The following SH3RF2 variants were observed in gnomAD, a reference collection of about 807,000 sequenced individuals.
SH3RF2 encodes E3 ubiquitin-protein ligase SH3RF2.
SH3RF2 carries 43 observed loss-of-function variants against 59.0 expected under a neutral mutation model. The observed-to-expected ratio is 0.73, with a 90% CI of 0.57 to 0.94. The LOEUF is 0.94. Among genes scored for constraint, SH3RF2 ranks in the 40% least tolerant of loss-of-function variants. The pLI, the probability that SH3RF2 is intolerant of heterozygous loss-of-function variation, is 0.00. For missense variants in SH3RF2, 930 were observed against 940.1 expected (o/e 0.99, Z 0.14); for synonymous variants, 391 against 391.5 (o/e 1.00, Z 0.01).
chr5:146,055,910 T>C, intron 7 of SH3RF2, 71 bp from the exon 8 acceptor site: 1 of 1,529,464 alleles, frequency 6.5e-7, no homozygotes, highest in South Asian at 1.2e-5. Context: ...GATAGGTTTT[T>C]AAATAGGACT....
intron 5 of SH3RF2, among the ~76,000 whole-genome samples, chr5:146,027,191 C>T (rs1233199521): frequency 1.3e-5 from 2 of 152,078 alleles, no homozygotes; most frequent in Non-Finnish European, 2.9e-5. Context: ...GGGACAATTG[C>T]ACTTGCTTAG....
Position 146,013,646 on chromosome 5 carries a change from G to A in SH3RF2, c.745-101G>A, listed in dbSNP as rs901007143. Reference sequence around the variant, plus strand: ...ATGAGCATCTGAGCCAGTGACTGAGGAGGTGGCACCTGACCTGGCTTCAGA... The same window carrying A: ...ATGAGCATCTGAGCCAGTGACTGAGAAGGTGGCACCTGACCTGGCTTCAGA... On this transcript the variant is annotated intron_variant, in intron 4 of 9. Coordinates refer to ENST00000359120, the MANE Select transcript of SH3RF2 (RefSeq NM_152550.4). 2.8e-5 allele frequency: 35 copies of A among 1,236,322 alleles called. No homozygotes were observed. In the African/African-American group the frequency reaches 4.4e-4, roughly 16 times the overall value. The allele number at this position is 1,236,322 out of a possible 1,614,324, so 76.6% of individuals were successfully genotyped here. A position where few individuals can be genotyped will look rare whatever the true frequency, so the allele number is the denominator to read the frequency against.
intron 5 of SH3RF2, among the ~76,000 whole-genome samples, chr5:146,032,366 C>G (rs546982609): frequency 6.6e-6 from 1 of 152,280 alleles, no homozygotes; most frequent in East Asian, 1.9e-4. Context: ...CAGCATGCCA[C>G]TTCCCCTCAG....
At chr5:145,968,086 G>A (rs1324917747) in intron 2 of SH3RF2, among the ~76,000 whole-genome samples, 1 of 152,116 alleles carries the variant, frequency 6.6e-6, no homozygotes, top group East Asian at 1.9e-4. Context: ...TAGTTTCCTG[G>A]GAGAAGCTGT....
At chr5:145,976,026 C>G (rs1759281149) in intron 2 of SH3RF2, among the ~76,000 whole-genome samples, 1 of 152,186 alleles carries the variant, frequency 6.6e-6, no homozygotes, top group Non-Finnish European at 1.5e-5. Flanking sequence ...AATGACAGGT[C>G]ACATACACAC....
chr5:145,967,935 C>T (rs566484860), intron 2 of SH3RF2, among the ~76,000 whole-genome samples: 171 of 152,366 alleles, frequency 1.1e-3, no homozygotes, highest in African/African-American at 4.0e-3. Context: ...GCTGGGATTA[C>T]AGGCATGAGC....
chr5:146,076,594 TC>T (rs752504866), intron 9 of SH3RF2, among the ~76,000 whole-genome samples: 1 of 152,220 alleles, frequency 6.6e-6, no homozygotes, highest in Non-Finnish European at 1.5e-5. Flanking sequence ...TGCCTGCTTC[TC>T]CCGCTGAATG....
chr5:145,962,207 G>A (rs1289424840), intron 2 of SH3RF2, among the ~76,000 whole-genome samples: 1 of 152,136 alleles, frequency 6.6e-6, no homozygotes, highest in African/African-American at 2.4e-5. Flanking sequence ...CACCCCTAAA[G>A]CCAGAGGTCT....
intron 5 of SH3RF2, among the ~76,000 whole-genome samples, chr5:146,020,616 T>C (rs953769183): frequency 3.3e-5 from 5 of 152,200 alleles, no homozygotes; most frequent in African/African-American, 1.2e-4. Context: ...TATACTTGTG[T>C]TGTAACATAT....
At chr5:146,040,982 G>A (rs2962520) in intron 5 of SH3RF2, among the ~76,000 whole-genome samples, 97,492 of 151,960 alleles carry the variant, frequency 0.64, 31,544 homozygotes, top group Middle Eastern at 0.82. Context: ...TGGTCATCCT[G>A]TCCACGAGCA....
intron 2 of SH3RF2, among the ~76,000 whole-genome samples, chr5:145,993,855 A>G (rs1760047769): frequency 6.6e-6 from 1 of 152,170 alleles, no homozygotes; most frequent in Non-Finnish European, 1.5e-5. Flanking sequence ...CACTCAGCTT[A>G]TTACTTATGC....
chr5:145,979,537 A>C (rs1759431659), intron 2 of SH3RF2, among the ~76,000 whole-genome samples: 1 of 152,226 alleles, frequency 6.6e-6, no homozygotes, highest in African/African-American at 2.4e-5. Context: ...TTTAACAAGC[A>C]GCTCTGTGGG....
intron 9 of SH3RF2, among the ~76,000 whole-genome samples, chr5:146,060,468 C>CT (rs1284357399): frequency 6.6e-6 from 1 of 152,008 alleles, no homozygotes; most frequent in Non-Finnish European, 1.5e-5. Flanking sequence ...TTTTATACAT[C>CT]TTTTGAGGCC....
intron 2 of SH3RF2, among the ~76,000 whole-genome samples, chr5:145,968,981 T>C (rs1454563297): frequency 8.5e-5 from 13 of 152,360 alleles, no homozygotes. Flanking sequence ...TTTTTTACTT[T>C]TTAATTATAT....
intron 2 of SH3RF2, among the ~76,000 whole-genome samples, chr5:145,995,684 G>A (rs951886074): frequency 6.6e-6 from 1 of 151,916 alleles, no homozygotes; most frequent in Non-Finnish European, 1.5e-5. Context: ...TAGAAAAAAA[G>A]CGTTTTTTCA....
chr5:146,034,227 G>C (rs1052711463), intron 5 of SH3RF2, among the ~76,000 whole-genome samples: 1 of 152,200 alleles, frequency 6.6e-6, no homozygotes, highest in Non-Finnish European at 1.5e-5. Context: ...CAAATGCAGT[G>C]CTCTGAAGAG....
In SH3RF2 at chr5:146,047,695, C is replaced by T. The variant is rs946238032; in HGVS notation, c.1060-77C>T. ...TTTTCAGCTGTGTCAGGTCTTTCTA[C>T]GTAGCTGCTCTGTTTGCTGTGGGCC... On this transcript the variant is annotated intron_variant, in intron 5 of 9. Coordinates refer to ENST00000359120, the MANE Select transcript of SH3RF2 (RefSeq NM_152550.4). 1.5e-5 allele frequency: 21 copies of T among 1,365,500 alleles called. No individual in the cohort carries two copies. The East Asian group carries it at 3.1e-4, about 20-fold the overall frequency. The allele number at this position is 1,365,500 out of a possible 1,614,324, so 84.6% of individuals were successfully genotyped here.
rs368899503 is a variant in SH3RF2, at chr5:146,004,157, C to T, written c.744+4C>T. On this transcript the variant is annotated splice_donor_region_variant and intron_variant, in intron 4 of 9. Transcript: ENST00000359120. The stretch of plus-strand genomic sequence containing the variant: ...CTTCCCTATCTTGTTTGTAGAGGTA[C>T]GTGAGTATCAAGTCTACATCTGATT... 55 of 1,607,602 alleles carry T rather than the reference C, an allele frequency of 3.4e-5. No homozygotes were observed. In the African/African-American group the frequency reaches 3.9e-4, roughly 11 times the overall value.
chr5:146,039,166 A>T (rs531497768), intron 5 of SH3RF2, among the ~76,000 whole-genome samples: 1 of 152,334 alleles, frequency 6.6e-6, no homozygotes, highest in Admixed American at 6.5e-5. Context: ...AAAGACTTAA[A>T]TGTGAAAGGC....
Sources: gnomAD v4.1 joint callset for allele counts (sites outside exome capture counted in the v4.1 genomes callset) on GRCh38, gnomAD v4.1.1 for gene constraint, MANE v1.5 for transcripts, NCBI Gene and HGNC (gene_info 2026-07-23, HGNC 2026-07-21) for gene names.